The following TNK1 variants were observed in gnomAD, a reference collection of about 807,000 sequenced individuals.
The protein encoded by TNK1 is non-receptor tyrosine-protein kinase TNK1.
A neutral mutation model predicts 65.2 loss-of-function variants in TNK1; 53 were observed. That is an observed-to-expected ratio of 0.81 (90% CI 0.65 to 1.02). The LOEUF (loss-of-function observed/expected upper bound fraction) is 1.02. Among genes scored for constraint, TNK1 ranks in the 50% least tolerant of loss-of-function variants. The probability of loss-of-function intolerance (pLI) is 0.00; values close to 1 mark genes in which losing one functional copy is unlikely to be tolerated. For missense variants in TNK1, 837 were observed against 878.4 expected (o/e 0.95, Z 0.60); for synonymous variants, 353 against 364.6 (o/e 0.97, Z 0.36).
At position 7,382,528 on chromosome 17, in the gene TNK1, G is replaced by A. The variant is rs1221886518; in HGVS notation, c.-91-308G>A. 6.6e-6 allele frequency among the ~76,000 whole-genome samples: 1 copy of A among 152,176 alleles called. No homozygotes were observed. Among genetic ancestry groups the A allele is most frequent in the Non-Finnish European group, 1.5e-5 (1 of 68,020 alleles). On this transcript the variant is annotated intron_variant, in intron 1 of 12. Coordinates refer to ENST00000688331, the MANE Select transcript of TNK1 (RefSeq NM_003985.6). The surrounding 1 kb of genome is among the most constrained non-coding windows in gnomAD (Gnocchi z 4.1). ...GGGAGATGTCGTCTCAGGTGTGTATGAGTGAGTTTGTGCCACTGCGTAGCT... is the reference window on the plus strand; with the variant it reads ...GGGAGATGTCGTCTCAGGTGTGTATAAGTGAGTTTGTGCCACTGCGTAGCT...
chr17:7,384,213 C>T lies in TNK1; in HGVS notation c.826C>T (p.Arg276Cys), dbSNP rs948174841. 6.6e-7 allele frequency: 1 copy of T among 1,517,406 alleles called. No homozygotes were observed. Among genetic ancestry groups the T allele is most frequent in the African/African-American group, 1.4e-5 (1 of 71,712 alleles). 94.0% of individuals were successfully genotyped at this position (1,517,406 alleles called of 1,614,324 possible). Residue 276 changes from arginine to cysteine, a missense_variant, in exon 6 of 13, where the codon CGC becomes TGC. Transcript: ENST00000688331. ...GCGGCCTCTGGGCGGTGCCCGGGGC[C>T]GCTACGTCATGGGCGGGCCCCGCCC... Reference protein sequence around the residue: ...LVRPLGGARGRYVMGGPRPIP... With the variant: ...LVRPLGGARGCYVMGGPRPIP...
Position 7,382,567 on chromosome 17 carries a change from G to T in TNK1, c.-91-269G>T, listed in dbSNP as rs936754620. Among the ~76,000 whole-genome samples, 1 of 152,166 alleles carries T rather than the reference G, an allele frequency of 6.6e-6. No individual in the cohort carries two copies. Among genetic ancestry groups the T allele is most frequent in the African/African-American group, 2.4e-5 (1 of 41,426 alleles). ...CACTGCGTAGCTCAGGTCTAAAAGG[G>T]CAGTGTTTCTGGGTGTCCGGGTGTG... is the stretch of plus-strand genomic sequence containing the variant. On this transcript the variant is annotated intron_variant, in intron 1 of 12. Transcript: ENST00000688331. The surrounding 1 kb of genome is among the most constrained non-coding windows in gnomAD (Gnocchi z 4.1).
At chr17:7,381,975 C>T (rs1376136180) in intron 1 of TNK1, among the ~76,000 whole-genome samples, 4 of 152,186 alleles carry the variant, frequency 2.6e-5, no homozygotes, top group Admixed American at 6.5e-5. Context: ...AGCGTTAAGA[C>T]GACATATATC....
At chr17:7,386,771 C>T (rs1367683746) in intron 8 of TNK1, 116 bp downstream of exon 8, 1 of 1,113,614 alleles carries the variant, frequency 9.0e-7, no homozygotes, top group African/African-American at 1.5e-5. Flanking sequence ...TGTCTCATCT[C>T]CTCTCCCCAC....
intron 1 of TNK1, among the ~76,000 whole-genome samples, chr17:7,381,981 A>G (rs1299281437): frequency 6.6e-6 from 1 of 152,222 alleles, no homozygotes; most frequent in African/African-American, 2.4e-5. Flanking sequence ...AAGACGACAT[A>G]TATCGGCCGG....
chr17:7,386,779 C>A (rs1434830943), intron 8 of TNK1, 124 bp downstream of exon 8: 20 of 1,096,530 alleles, frequency 1.8e-5, no homozygotes, highest in Non-Finnish European at 1.3e-5. Context: ...CTCCTCTCCC[C>A]ACTGGGTCCT....
intron 6 of TNK1, 85 bp downstream of exon 6, chr17:7,384,338 T>C (rs1018735984): frequency 7.0e-7 from 1 of 1,432,918 alleles, no homozygotes; most frequent in South Asian, 1.5e-5. Context: ...GGGGCCGGGC[T>C]TCTGAGGGAG....
chr17:7,382,139 G>A lies in TNK1; in HGVS notation c.-91-697G>A, dbSNP rs1789623041. ...AAAATAGCCGGGCATGGTGGCACGC[G>A]CCTGTAGTCCCAGCTACTTGGGAGG... On this transcript the variant is annotated intron_variant, in intron 1 of 12. Transcript: ENST00000688331. This position sits in a 1 kb window ranked among gnomAD's most constrained non-coding sequence, Gnocchi z 4.1. 1.3e-5 allele frequency among the ~76,000 whole-genome samples: 2 copies of A among 152,174 alleles called. No homozygotes were observed. Among genetic ancestry groups the A allele is most frequent in the East Asian group, 1.9e-4 (1 of 5,170 alleles).
chr17:7,380,297 T>C (rs1231166680), upstream of TNK1, among the ~76,000 whole-genome samples: 1 of 152,170 alleles, frequency 6.6e-6, no homozygotes, highest in Admixed American at 6.5e-5. Flanking sequence ...CTAGATGTCC[T>C]AAGACTGGCA....
chr17:7,384,225 G>T lies in TNK1; in HGVS notation c.838G>T (p.Gly280Cys). ...CGGTGCCCGGGGCCGCTACGTCATG[G>T]GCGGGCCCCGCCCTATCCCCTACGC... ...LGGARGRYVM[G>C]GPRPIPYAWC... Residue 280 changes from glycine to cysteine, a missense_variant, in exon 6 of 13, where the codon GGC becomes TGC. By Grantham distance (159) the Gly-to-Cys change is radical (BLOSUM62 -3). Transcript: ENST00000688331. The T allele has an allele frequency of 6.6e-7, 1 of 1,510,050 alleles. No individual in the cohort carries two copies. The highest frequency in any genetic ancestry group is 8.8e-7 in the Non-Finnish European group (1 of 1,137,322). 93.5% of individuals were successfully genotyped at this position (1,510,050 alleles called of 1,614,324 possible).
At position 7,385,625 on chromosome 17, in the gene TNK1, T is replaced by C. The variant is rs898789446; in HGVS notation, c.1137+871T>C. ...TGTCACCCTAGCTGGAGTGCAGTGG[T>C]GGGATCTTGGCTCACTGCAACCTCC... On this transcript the variant is annotated intron_variant, in intron 7 of 12. Transcript: ENST00000688331. 3.3e-5 allele frequency among the ~76,000 whole-genome samples: 5 copies of C among 152,058 alleles called. No individual in the cohort carries two copies. The East Asian group carries it at 5.8e-4, about 18-fold the overall frequency.
In TNK1 at chr17:7,388,336, G is replaced by T; in HGVS notation, c.1478-70G>T. On this transcript the variant is annotated intron_variant, in intron 10 of 12. Coordinates refer to ENST00000688331, the MANE Select transcript of TNK1 (RefSeq NM_003985.6). The surrounding 1 kb of genome is among the most constrained non-coding windows in gnomAD (Gnocchi z 4.5). Reference sequence around the variant, plus strand: ...GCTACTCGGGAGGCTGAGGTGGGAGGATCGCTTGAGCCCGGGAGGCGGAGG... The same window carrying T: ...GCTACTCGGGAGGCTGAGGTGGGAGTATCGCTTGAGCCCGGGAGGCGGAGG... 1 of 1,478,972 alleles carries T rather than the reference G, an allele frequency of 6.8e-7. No individual in the cohort carries two copies. Among genetic ancestry groups the T allele is most frequent in the Non-Finnish European group, 9.1e-7 (1 of 1,096,300 alleles). 91.6% of individuals were successfully genotyped at this position (1,478,972 alleles called of 1,614,324 possible). A position where few individuals can be genotyped will look rare whatever the true frequency, so the allele number is the denominator to read the frequency against.
upstream of TNK1, among the ~76,000 whole-genome samples, chr17:7,380,161 G>A (rs575794278): frequency 8.5e-5 from 13 of 152,284 alleles, no homozygotes; most frequent in Admixed American, 2.0e-4. Flanking sequence ...GCTGGGAAAC[G>A]TGGAGGTGGC....
At chr17:7,385,242 G>A (rs910533430) in intron 7 of TNK1, among the ~76,000 whole-genome samples, 1 of 151,848 alleles carries the variant, frequency 6.6e-6, no homozygotes, top group Admixed American at 6.6e-5. Flanking sequence ...GTGCATGCCT[G>A]TAATCCCAGC....
Position 7,389,311 on chromosome 17 carries a change from C to T in TNK1, c.*227C>T. ...CTTCTGAAGGCTGAAGCTCCTTTGG[C>T]TGGGCCAAGAAGGATCTAGTCTGCC... On this transcript the variant is annotated 3_prime_UTR_variant, in exon 13 of 13. Transcript: ENST00000688331. 1 of 577,982 alleles carries T rather than the reference C, an allele frequency of 1.7e-6. No homozygotes were observed. The allele number at this position is 577,982 out of a possible 1,614,324, so 35.8% of individuals were successfully genotyped here.
rs1249637474 is a variant in TNK1 at position 7,386,743 on chromosome 17, C to T, written c.1232+88C>T. The stretch of plus-strand genomic sequence containing the variant: ...ATCCCTTCTCTGCTTCTCTCCAGCT[C>T]CTTGAACCCTGATCTTCTGTCTCAT... On this transcript the variant is annotated intron_variant, in intron 8 of 12. Coordinates refer to ENST00000688331, the MANE Select transcript of TNK1 (RefSeq NM_003985.6). 4.0e-5 allele frequency: 50 copies of T among 1,239,810 alleles called. 1 individual carries two copies. The highest frequency in any genetic ancestry group is 5.6e-5 in the Non-Finnish European group (49 of 872,160). The allele number at this position is 1,239,810 out of a possible 1,614,324, so 76.8% of individuals were successfully genotyped here. A position where few individuals can be genotyped will look rare whatever the true frequency, so the allele number is the denominator to read the frequency against.
Position 7,387,067 on chromosome 17 carries a change from T to C in TNK1, c.1310T>C (p.Leu437Pro). The change falls in exon 9 of 13, where the codon CTG becomes CCG. Residue 437 changes from leucine (L) to proline (P), a missense_variant. Leu to Pro is a moderately conservative substitution (Grantham distance 98). Coordinates refer to ENST00000688331, the MANE Select transcript of TNK1 (RefSeq NM_003985.6). ...VGSFPASAVTLADAGGLPATR... is the reference protein window; with the variant it reads ...VGSFPASAVTPADAGGLPATR... Reference sequence around the variant, plus strand: ...AGCTTCCCAGCCTCGGCAGTGACGCTGGCAGATGCGGGGGGCTTGCCAGCC... The same window carrying C: ...AGCTTCCCAGCCTCGGCAGTGACGCCGGCAGATGCGGGGGGCTTGCCAGCC... 6.2e-7 allele frequency: 1 copy of C among 1,612,986 alleles called. No homozygotes were observed.
In TNK1 at chr17:7,385,721, C is replaced by T. The variant is rs573194897; in HGVS notation, c.1138-840C>T. Among the ~76,000 whole-genome samples the T allele has an allele frequency of 1.5e-3, 231 of 152,070 alleles. 1 individual carries two copies. The highest frequency in any genetic ancestry group is 2.4e-3 in the Non-Finnish European group (163 of 67,972). On this transcript the variant is annotated intron_variant, in intron 7 of 12. Transcript: ENST00000688331. ...CTGGGATTACAGGCGCCTGCCACCACGCCTGGCTAATTTTTGTATTTTTAG... is the reference window on the plus strand; with the variant it reads ...CTGGGATTACAGGCGCCTGCCACCATGCCTGGCTAATTTTTGTATTTTTAG...
At position 7,382,239 on chromosome 17, in the gene TNK1, C is replaced by T. The variant is rs1487539324; in HGVS notation, c.-91-597C>T. Among the ~76,000 whole-genome samples, 1 of 143,908 alleles carries T rather than the reference C, an allele frequency of 6.9e-6. No homozygotes were observed. Among genetic ancestry groups the T allele is most frequent in the Non-Finnish European group, 1.5e-5 (1 of 67,188 alleles). The allele number at this position is 143,908 out of a possible 152,430, so 94.4% of individuals were successfully genotyped here. ...TGAGATCACGCCACTGCATTCCAGC[C>T]TAGATGACAGAGCGAGACTCCGTCT... is the stretch of plus-strand genomic sequence containing the variant. On this transcript the variant is annotated intron_variant, in intron 1 of 12. Coordinates refer to ENST00000688331, the MANE Select transcript of TNK1 (RefSeq NM_003985.6). This position sits in a 1 kb window ranked among gnomAD's most constrained non-coding sequence, Gnocchi z 4.1.
Sources: gnomAD v4.1 joint callset for allele counts (sites outside exome capture counted in the v4.1 genomes callset) on GRCh38, gnomAD v4.1.1 for gene constraint, Gnocchi (gnomAD v3.1) non-coding constraint, MANE v1.5 for transcripts, NCBI Gene and HGNC (gene_info 2026-07-23, HGNC 2026-07-21) for gene names.